The following RAB4B variants were observed in gnomAD, a reference collection of about 807,000 sequenced individuals.
The protein encoded by RAB4B is RAB4B, member RAS oncogene family.
RAB4B carries 15 observed loss-of-function variants against 28.3 expected under a neutral mutation model. The ratio of observed to expected loss-of-function variants is 0.53; its 90% CI spans 0.35 to 0.82. RAB4B has a LOEUF of 0.82. Ranked by LOEUF, RAB4B falls within the 40% of genes least tolerant of loss-of-function variation. The pLI is 0.01. For missense variants in RAB4B, 244 were observed against 288.5 expected, an observed-to-expected ratio of 0.85 and a Z score of 1.12; for synonymous variants, 108 against 116.3, an observed-to-expected ratio of 0.93 and a Z score of 0.46.
At chr19:40,789,382 A>G (rs909350334) in intron 7 of RAB4B, among the ~76,000 whole-genome samples, 3 of 146,082 alleles carry the variant, frequency 2.1e-5, no homozygotes, top group Admixed American at 6.9e-5. Flanking sequence ...TTGTATTTTT[A>G]GTAGAGACGG....
At chr19:40,791,182 G>T (rs910761396) in intron 7 of RAB4B, among the ~76,000 whole-genome samples, 2 of 152,098 alleles carry the variant, frequency 1.3e-5, no homozygotes, top group East Asian at 1.9e-4. Context: ...TACAGACAGG[G>T]TTTTGCCATG....
intron 3 of RAB4B, among the ~76,000 whole-genome samples, chr19:40,780,963 G>C (rs984336887): frequency 9.9e-5 from 15 of 151,810 alleles, no homozygotes; most frequent in Middle Eastern, 3.2e-3. Flanking sequence ...GAGACTAAGA[G>C]AGTTGAAGAG....
chr19:40,787,737 G>A (rs551269811), intron 7 of RAB4B, among the ~76,000 whole-genome samples: 4 of 150,002 alleles, frequency 2.7e-5, no homozygotes, highest in African/African-American at 9.8e-5. Context: ...TTTGATGGGG[G>A]GTATACATAA....
chr19:40,782,792 G>A (rs148748313), intron 3 of RAB4B, among the ~76,000 whole-genome samples: 10 of 150,722 alleles, frequency 6.6e-5, no homozygotes, highest in Non-Finnish European at 1.2e-4. Flanking sequence ...CAGCCTGGGC[G>A]ACAGAGCAAA....
At chr19:40,793,801 G>A (rs1006695487) in intron 7 of RAB4B, among the ~76,000 whole-genome samples, 2 of 151,436 alleles carry the variant, frequency 1.3e-5, no homozygotes, top group Non-Finnish European at 2.9e-5. Flanking sequence ...GTGTGCTCCT[G>A]TAATCCCAGC....
intron 7 of RAB4B, among the ~76,000 whole-genome samples, chr19:40,791,096 C>T (rs544923003): frequency 2.8e-4 from 43 of 152,172 alleles, no homozygotes; most frequent in African/African-American, 9.6e-4. Flanking sequence ...ACCTCGTGAT[C>T]CACCTGCCTC....
chr19:40,794,333 C>G (rs1599752437), intron 7 of RAB4B, among the ~76,000 whole-genome samples: 1 of 152,060 alleles, frequency 6.6e-6, no homozygotes, highest in African/African-American at 2.4e-5. Flanking sequence ...TGTCAGCCTC[C>G]CAAAGTGTTG....
chr19:40,783,168 A>AAAAAG (rs1336959703), intron 3 of RAB4B, among the ~76,000 whole-genome samples: 8 of 136,456 alleles, frequency 5.9e-5, no homozygotes, highest in African/African-American at 2.3e-4. Context: ...AAAAAAAAAA[A>AAAAAG]AAAAGAAAAA....
At chr19:40,780,530 GGAGA>G in intron 3 of RAB4B, 31 bp downstream of exon 3, 1 of 1,563,862 alleles carries the variant, frequency 6.4e-7, no homozygotes, top group African/African-American at 1.4e-5. Flanking sequence ...AGGGTGATGG[GGAGA>G]GAGAGTGAGA....
intron 7 of RAB4B, among the ~76,000 whole-genome samples, chr19:40,788,958 A>G (rs2083130452): frequency 6.6e-6 from 1 of 150,918 alleles, no homozygotes; most frequent in South Asian, 2.1e-4. Context: ...ATTTTTATGT[A>G]TTTAGTAGAG....
rs896084063 is a variant in RAB4B, at chr19:40,778,468, T to C, written c.16+77T>C. 2.5e-5 allele frequency: 34 copies of C among 1,346,036 alleles called. 1 individual carries two copies. Among genetic ancestry groups the C allele is most frequent in the African/African-American group, 3.0e-5 (2 of 65,652 alleles). 83.4% of individuals were successfully genotyped at this position (1,346,036 alleles called of 1,614,324 possible). ...CGGCCTGTGGGAATGGGCGGGGCTT[T>C]GTAGATCAGGGGGCGGGGTCTGGTG... is the stretch of plus-strand genomic sequence containing the variant. On this transcript the variant is annotated intron_variant, in intron 1 of 7. Transcript: ENST00000357052.
chr19:40,793,955 C>T (rs2083184552), intron 7 of RAB4B, among the ~76,000 whole-genome samples: 2 of 151,790 alleles, frequency 1.3e-5, no homozygotes, highest in African/African-American at 4.8e-5. Flanking sequence ...CCAAAAAAAC[C>T]AAAACAAAAC....
rs966070948 is a variant in RAB4B at position 40,782,860 on chromosome 19, C to T, written c.213-918C>T. On this transcript the variant is annotated intron_variant, in intron 3 of 7. Coordinates refer to ENST00000357052, the MANE Select transcript of RAB4B (RefSeq NM_016154.5). The stretch of plus-strand genomic sequence containing the variant: ...TCAATCAATAAAAGACATGTAGGGC[C>T]GGGCACAGTGGCTCACGCCTGTAAT... Among the ~76,000 whole-genome samples the T allele has an allele frequency of 4.0e-5, 6 of 150,972 alleles. No individual in the cohort carries two copies. In the East Asian group the frequency reaches 7.9e-4, roughly 20 times the overall value.
chr19:40,794,997 C>CAAAAAAA (rs59417778), intron 7 of RAB4B, among the ~76,000 whole-genome samples: 2 of 99,934 alleles, frequency 2.0e-5, no homozygotes, highest in Non-Finnish European at 1.9e-5. Context: ...ACTAAAAATA[C>CAAAAAAA]AAAAAAAAAA....
At chr19:40,784,523 A>G (rs1477720644) in intron 5 of RAB4B, among the ~76,000 whole-genome samples, 2 of 152,212 alleles carry the variant, frequency 1.3e-5, no homozygotes, top group East Asian at 3.9e-4. Context: ...AAACAACAAC[A>G]AAACTAAGTG....
chr19:40,784,187 G>A, intron 5 of RAB4B, 112 bp downstream of exon 5: 3 of 1,373,876 alleles, frequency 2.2e-6, no homozygotes, highest in East Asian at 5.0e-5. Flanking sequence ...AGGTTCAGAA[G>A]TCTGGGTTCA....
At chr19:40,793,722 G>C (rs1439013099) in intron 7 of RAB4B, among the ~76,000 whole-genome samples, 1 of 150,054 alleles carries the variant, frequency 6.7e-6, no homozygotes, top group Non-Finnish European at 1.5e-5. Context: ...TCAGGAGTTC[G>C]AGACCAGGGT....
chr19:40,787,090 T>A, intron 7 of RAB4B, 112 bp downstream of exon 7: 2 of 1,019,152 alleles, frequency 2.0e-6, no homozygotes, highest in Admixed American at 2.2e-5. Flanking sequence ...GAGAGAAAGA[T>A]GCAAAAACAC....
intron 7 of RAB4B, among the ~76,000 whole-genome samples, chr19:40,788,236 C>T (rs1448678429): frequency 6.6e-6 from 1 of 151,988 alleles, no homozygotes; most frequent in Non-Finnish European, 1.5e-5. Context: ...GTGGCTCACA[C>T]CTGTAATCCC....
Sources: gnomAD v4.1 joint callset for allele counts (sites outside exome capture counted in the v4.1 genomes callset) on GRCh38, gnomAD v4.1.1 for gene constraint, MANE v1.5 for transcripts, NCBI Gene and HGNC (gene_info 2026-07-23, HGNC 2026-07-21) for gene names.